The following STARD13 variants were observed in gnomAD, a reference collection of about 807,000 sequenced individuals.
The protein encoded by STARD13 is StAR related lipid transfer domain containing 13.
A neutral mutation model predicts 106.4 loss-of-function variants in STARD13; 62 were observed. That is an observed-to-expected ratio of 0.58 (90% CI 0.48 to 0.72). STARD13 has a LOEUF of 0.72. STARD13 is among the 30% of genes least tolerant of loss of function. The pLI is 0.00. For synonymous variants in STARD13, 565 were observed against 553.0 expected, an observed-to-expected ratio of 1.02 and a Z score of -0.31; for missense variants, 1,387 against 1,424.0, an observed-to-expected ratio of 0.97 and a Z score of 0.42.
At chr13:33,663,734 G>GT in the STARD13 span, among the ~76,000 whole-genome samples, 2 of 152,206 alleles carry the variant, frequency 1.3e-5, no homozygotes, top group Admixed American at 6.5e-5. Context: ...TAGACACTGA[G>GT]TGGTCAAGTG....
chr13:33,243,989 A>T (rs75630030), intron 1 of STARD13, among the ~76,000 whole-genome samples: 3,906 of 150,398 alleles, frequency 0.026, 90 homozygotes, highest in Non-Finnish European at 0.04. Context: ...AAATGCTTGG[A>T]ACCAGAAGTG....
At chr13:33,572,357 C>T in the STARD13 span, among the ~76,000 whole-genome samples, 1 of 152,158 alleles carries the variant, frequency 6.6e-6, no homozygotes, top group African/African-American at 2.4e-5. Context: ...GAACCATGTT[C>T]AAATAAGGCA....
chr13:33,660,211 GAA>G, the STARD13 span, among the ~76,000 whole-genome samples: 1 of 152,066 alleles, frequency 6.6e-6, no homozygotes, highest in Non-Finnish European at 1.5e-5. Context: ...TTTCTTAGCT[GAA>G]TTCATGTTTT....
At chr13:33,575,536 G>A in the STARD13 span, among the ~76,000 whole-genome samples, 2,412 of 152,266 alleles carry the variant, frequency 0.016, 31 homozygotes, top group Middle Eastern at 0.048. Flanking sequence ...TATGGGAGGT[G>A]TTTAGGTTGT....
chr13:33,354,364 A>T (rs2078106895), upstream of STARD13, among the ~76,000 whole-genome samples: 1 of 152,198 alleles, frequency 6.6e-6, no homozygotes, highest in Non-Finnish European at 1.5e-5. Context: ...ATGTACTCAG[A>T]TGTCACCTCC....
At chr13:33,320,320 T>C (rs922212825) in intron 1 of STARD13, among the ~76,000 whole-genome samples, 3 of 152,188 alleles carry the variant, frequency 2.0e-5, no homozygotes, top group African/African-American at 7.2e-5. Flanking sequence ...CTTTTCTTCC[T>C]TCCCAGAGAC....
chr13:33,350,225 C>T (rs986604031), intron 1 of STARD13: 10 of 1,459,156 alleles, frequency 6.9e-6, no homozygotes, highest in Non-Finnish European at 7.2e-6. Context: ...GCGGCGGGCC[C>T]GGGCGGGCTA....
the STARD13 span, among the ~76,000 whole-genome samples, chr13:33,434,898 G>GAAGGAAGC: frequency 1.1e-5 from 1 of 89,688 alleles, no homozygotes; most frequent in Non-Finnish European, 2.4e-5. Context: ...AGGAAAGAAG[G>GAAGGAAGC]AAGGAAGGAA....
At chr13:33,405,941 G>A in the STARD13 span, among the ~76,000 whole-genome samples, 3 of 152,176 alleles carry the variant, frequency 2.0e-5, no homozygotes, top group African/African-American at 7.2e-5. Context: ...CAATAAGTAT[G>A]TTTAGTAATT....
chr13:33,672,616 A>G, the STARD13 span, among the ~76,000 whole-genome samples: 10 of 152,368 alleles, frequency 6.6e-5, no homozygotes, highest in African/African-American at 1.9e-4. Flanking sequence ...ATACAAAGTA[A>G]TTACTTGAAG....
At chr13:33,124,863 G>C (rs1876919223) in intron 7 of STARD13, among the ~76,000 whole-genome samples, 1 of 152,180 alleles carries the variant, frequency 6.6e-6, no homozygotes. Context: ...TGGGGAATAA[G>C]AGGCAAGCTA....
the STARD13 span, among the ~76,000 whole-genome samples, chr13:33,406,855 G>T: frequency 6.6e-6 from 1 of 152,174 alleles, no homozygotes; most frequent in Admixed American, 6.5e-5. Context: ...AGCCAGGCAC[G>T]GGTGCATCAC....
intron 7 of STARD13, 68 bp from the exon 8 acceptor site, chr13:33,118,331 G>A: frequency 1.5e-6 from 2 of 1,372,656 alleles, no homozygotes; most frequent in Non-Finnish European, 2.1e-6. Context: ...AGGAAGCATG[G>A]GAAGGGAACT....
chr13:33,546,349 C>T, the STARD13 span, among the ~76,000 whole-genome samples: 34 of 152,100 alleles, frequency 2.2e-4, no homozygotes, highest in Non-Finnish European at 4.0e-4. Flanking sequence ...AGCTTTTTGG[C>T]GGTTTATTTG....
At chr13:33,204,734 A>G (rs985765735) in intron 1 of STARD13, among the ~76,000 whole-genome samples, 2 of 152,238 alleles carry the variant, frequency 1.3e-5, no homozygotes, top group Admixed American at 6.5e-5. Context: ...AAAACGCATA[A>G]AACAGTTCTC....
intron 1 of STARD13, among the ~76,000 whole-genome samples, chr13:33,285,210 C>T (rs1891995579): frequency 6.6e-6 from 1 of 152,138 alleles, no homozygotes; most frequent in Non-Finnish European, 1.5e-5. Flanking sequence ...TCTGTAGACA[C>T]ACGTCAGTTT....
intron 1 of STARD13, among the ~76,000 whole-genome samples, chr13:33,296,525 C>T (rs1474640616): frequency 6.6e-6 from 1 of 152,076 alleles, no homozygotes; most frequent in East Asian, 1.9e-4. Flanking sequence ...CCATCCTGTA[C>T]ATTAAATCCC....
chr13:33,463,975 C>T, the STARD13 span, among the ~76,000 whole-genome samples: 2 of 146,098 alleles, frequency 1.4e-5, no homozygotes, highest in African/African-American at 5.0e-5. Flanking sequence ...CGTGCCATTG[C>T]ACTCCAGCCT....
At chr13:33,165,445 T>G in intron 2 of STARD13, 27 bp from the exon 3 acceptor site, 1 of 1,563,560 alleles carries the variant, frequency 6.4e-7, no homozygotes, top group Non-Finnish European at 8.8e-7. Context: ...AAGAAGTTGA[T>G]GTACTTTGTT....
Sources: allele counts gnomAD v4.1 joint callset (sites outside exome capture counted in the v4.1 genomes callset), GRCh38; gene constraint gnomAD v4.1.1; transcripts MANE v1.5; gene names NCBI Gene and HGNC (gene_info 2026-07-23, HGNC 2026-07-21).